FAM222B: variants seen among roughly 807,000 people sequenced by gnomAD.
FAM222B encodes the protein protein FAM222B.
In FAM222B, 12 loss-of-function variants were observed where a neutral mutation model predicts 38.0. The ratio of observed to expected loss-of-function variants is 0.32; its 90% CI spans 0.20 to 0.51. The LOEUF (loss-of-function observed/expected upper bound fraction) is 0.51. Among genes scored for constraint, FAM222B ranks in the 20% least tolerant of loss-of-function variants. FAM222B has a pLI of 0.97. For synonymous variants in FAM222B, 329 were observed against 317.2 expected (o/e 1.04, Z -0.40); for missense variants, 716 against 754.2 (o/e 0.95, Z 0.59).
At chr17:28,827,790 T>A (rs2038495958) in intron 1 of FAM222B, among the ~76,000 whole-genome samples, 1 of 152,136 alleles carries the variant, frequency 6.6e-6, no homozygotes. Flanking sequence ...CTGCTATGTA[T>A]CAGGCACTAG....
chr17:28,835,570 A>C (rs1367380178), intron 1 of FAM222B, among the ~76,000 whole-genome samples: 1 of 152,182 alleles, frequency 6.6e-6, no homozygotes, highest in Non-Finnish European at 1.5e-5. Context: ...ATTGATACTT[A>C]TGTTGTTTCT....
At chr17:28,826,920 CACT>C (rs2038461790) in intron 1 of FAM222B, among the ~76,000 whole-genome samples, 1 of 152,082 alleles carries the variant, frequency 6.6e-6, no homozygotes, top group Non-Finnish European at 1.5e-5. Context: ...GTGGGAAGAT[CACT>C]TGAGGCCAGG....
At chr17:28,836,262 A>T (rs1253736766) in intron 1 of FAM222B, among the ~76,000 whole-genome samples, 1 of 150,452 alleles carries the variant, frequency 6.6e-6, no homozygotes, top group Non-Finnish European at 1.5e-5. Context: ...TGCTGGGATT[A>T]CAGGCATAAG....
intron 1 of FAM222B, among the ~76,000 whole-genome samples, chr17:28,787,671 A>G (rs1255673112): frequency 6.6e-6 from 1 of 152,208 alleles, no homozygotes; most frequent in African/African-American, 2.4e-5. Context: ...ATGCTGGGTC[A>G]ATCTACAGGA....
chr17:28,793,209 T>C (rs1466279645), intron 1 of FAM222B, among the ~76,000 whole-genome samples: 2 of 152,160 alleles, frequency 1.3e-5, no homozygotes, highest in African/African-American at 4.8e-5. Context: ...GTGCTGGGAT[T>C]GCAGTTGTGA....
chr17:28,831,586 A>G (rs1216103407), intron 1 of FAM222B, among the ~76,000 whole-genome samples: 1 of 146,196 alleles, frequency 6.8e-6, no homozygotes, highest in African/African-American at 2.5e-5. Context: ...GGTTCACTGC[A>G]ACCTCCGCCT....
At chr17:28,806,505 T>C (rs2037503299) in intron 1 of FAM222B, among the ~76,000 whole-genome samples, 2 of 152,164 alleles carry the variant, frequency 1.3e-5, no homozygotes, top group South Asian at 4.1e-4. Context: ...TGCACACCTG[T>C]AGTCCCTTCG....
chr17:28,774,710 C>T (rs2151815958), intron 1 of FAM222B, among the ~76,000 whole-genome samples: 1 of 152,178 alleles, frequency 6.6e-6, no homozygotes, highest in Non-Finnish European at 1.5e-5. Flanking sequence ...AGATTTGTGC[C>T]AGTGAGAAAA....
At chr17:28,803,513 T>C (rs2037335318) in intron 1 of FAM222B, among the ~76,000 whole-genome samples, 1 of 151,148 alleles carries the variant, frequency 6.6e-6, no homozygotes, top group Admixed American at 6.6e-5. Context: ...CTTGGGCGGG[T>C]CTCAAACTCC....
rs575576427 is a variant in FAM222B, at chr17:28,818,724, G to A, written c.-41+23958C>T. Reference sequence around the variant, plus strand: ...CATCATTTATGGTTTAGGATGTTTGGGTTGTATGTTCTGGGAGTAGAGAGC... The same window carrying A: ...CATCATTTATGGTTTAGGATGTTTGAGTTGTATGTTCTGGGAGTAGAGAGC... On this transcript the variant is annotated intron_variant, in intron 1 of 2. Coordinates refer to ENST00000581407, the MANE Select transcript of FAM222B (RefSeq NM_001077498.3). Among the ~76,000 whole-genome samples, 10 of 152,238 alleles carry A rather than the reference G, an allele frequency of 6.6e-5. No individual in the cohort carries two copies. In the South Asian group the frequency reaches 1.4e-3, roughly 22 times the overall value.
At chr17:28,796,579 G>A (rs2036947665) in intron 1 of FAM222B, among the ~76,000 whole-genome samples, 1 of 152,184 alleles carries the variant, frequency 6.6e-6, no homozygotes, top group African/African-American at 2.4e-5. Flanking sequence ...TGTGCCACCA[G>A]TGTGTAGTAG....
intron 1 of FAM222B, among the ~76,000 whole-genome samples, chr17:28,827,417 C>T (rs2038484273): frequency 6.6e-6 from 1 of 151,694 alleles, no homozygotes; most frequent in African/African-American, 2.4e-5. Context: ...AGCTCACAAT[C>T]CAGATGAGGA....
chr17:28,812,073 AATG>A (rs1486736140), intron 1 of FAM222B: 1 of 152,216 alleles, frequency 6.6e-6, no homozygotes, highest in African/African-American at 2.4e-5. Context: ...AAGGAAAAAA[AATG>A]ATGAAGGGTA....
At position 28,790,895 on chromosome 17, in the gene FAM222B, T is replaced by A. The variant is rs1419226766; in HGVS notation, c.-40-24188A>T. The stretch of plus-strand genomic sequence containing the variant: ...TTCAAATTGTTTCACTTTTTTTTTT[T>A]TTTTTTTTTTTTTTTTTTTTAGAGA... On this transcript the variant is annotated intron_variant, in intron 1 of 2. Transcript: ENST00000581407. Among the ~76,000 whole-genome samples the A allele has an allele frequency of 3.1e-3, 304 of 99,416 alleles. 18 individuals carry two copies. Among genetic ancestry groups the A allele is most frequent in the East Asian group, 7.0e-3 (25 of 3,592 alleles). The allele number at this position is 99,416 out of a possible 152,430, so 65.2% of individuals were successfully genotyped here. A position where few individuals can be genotyped will look rare whatever the true frequency, so the allele number is the denominator to read the frequency against.
At position 28,759,307 on chromosome 17, in the gene FAM222B, C is replaced by T. The variant is rs1194764685; in HGVS notation, c.652G>A (p.Gly218Ser). 4 of 1,611,916 alleles carry T rather than the reference C, an allele frequency of 2.5e-6. No homozygotes were observed. The highest frequency in any genetic ancestry group is 1.3e-5 in the African/African-American group (1 of 75,004). ...LVHPQALAHQGLQHPHNPLLH... is the reference protein window; with the variant it reads ...LVHPQALAHQSLQHPHNPLLH... ...AAGGGATTGTGGGGGTGCTGGAGAC[C>T]CTGGTGAGCCAGGGCCTGAGGGTGG... The change falls in exon 3 of 3, where the codon GGT becomes AGT. Residue 218 changes from glycine (G) to serine (S), a missense_variant. Physicochemically the swap from Gly to Ser is moderately conservative, Grantham distance 56 (BLOSUM62 0). Coordinates refer to ENST00000581407, the MANE Select transcript of FAM222B (RefSeq NM_001077498.3). The surrounding 1 kb of genome is among the most constrained non-coding windows in gnomAD (Gnocchi z 4.8).
chr17:28,848,593 T>C (rs2039160766), intron 1 of FAM222B, among the ~76,000 whole-genome samples: 1 of 151,602 alleles, frequency 6.6e-6, no homozygotes, highest in South Asian at 2.1e-4. Context: ...AGTGTGTCTC[T>C]ACTAAAAATA....
At chr17:28,817,598 A>G (rs1472574255) in intron 1 of FAM222B, among the ~76,000 whole-genome samples, 2 of 152,060 alleles carry the variant, frequency 1.3e-5, no homozygotes, top group Admixed American at 6.6e-5. Flanking sequence ...GGTCGCCTAT[A>G]ATCCCAGCTA....
At chr17:28,827,692 T>C (rs2038492647) in intron 1 of FAM222B, among the ~76,000 whole-genome samples, 1 of 152,180 alleles carries the variant, frequency 6.6e-6, no homozygotes, top group African/African-American at 2.4e-5. Context: ...TTTATGTTTG[T>C]CTATTTTGGA....
In FAM222B at chr17:28,759,297, T is replaced by G; in HGVS notation, c.662A>C (p.His221Pro). 6.2e-7 allele frequency: 1 copy of G among 1,612,022 alleles called. No individual in the cohort carries two copies. The highest frequency in any genetic ancestry group is 8.5e-7 in the Non-Finnish European group (1 of 1,179,268). The change falls in exon 3 of 3, where the codon CAC becomes CCC. Residue 221 changes from histidine to proline, a missense_variant. Coordinates refer to ENST00000581407, the MANE Select transcript of FAM222B (RefSeq NM_001077498.3). This position sits in a 1 kb window ranked among gnomAD's most constrained non-coding sequence, Gnocchi z 4.8. ...PQALAHQGLQ[H>P]PHNPLLHGGR... ...TCCATGCAGCAAGGGATTGTGGGGG[T>G]GCTGGAGACCCTGGTGAGCCAGGGC... is the stretch of plus-strand genomic sequence containing the variant.
Sources: allele counts gnomAD v4.1 joint callset (sites outside exome capture counted in the v4.1 genomes callset), GRCh38; gene constraint gnomAD v4.1.1; non-coding constraint Gnocchi (gnomAD v3.1); transcripts MANE v1.5; gene names NCBI Gene and HGNC (gene_info 2026-07-23, HGNC 2026-07-21).